RPH3A: variants seen among roughly 807,000 people sequenced by gnomAD.
RPH3A encodes the protein rabphilin 3A, also known as rabphilin-3A.
A neutral mutation model predicts 102.2 loss-of-function variants in RPH3A; 48 were observed. The ratio of observed to expected loss-of-function variants is 0.47; its 90% CI spans 0.37 to 0.60. The LOEUF (loss-of-function observed/expected upper bound fraction) is 0.60, where lower values mean the gene tolerates loss of function less well. Among genes scored for constraint, RPH3A ranks in the 20% least tolerant of loss-of-function variants. RPH3A has a pLI of 0.00. For missense variants in RPH3A, 781 were observed against 910.1 expected (o/e 0.86, Z 1.83); for synonymous variants, 310 against 324.3 (o/e 0.96, Z 0.47).
intron 4 of RPH3A, among the ~76,000 whole-genome samples, chr12:112,839,687 G>GATTTAA (rs1430936397): frequency 2.6e-5 from 4 of 152,312 alleles, no homozygotes; most frequent in Non-Finnish European, 5.9e-5. Context: ...GATTTAAGGA[G>GATTTAA]TAGGAAAATA....
chr12:112,883,410 G>T lies in RPH3A; in HGVS notation c.1436+8G>T. 1 of 1,606,502 alleles carries T rather than the reference G, an allele frequency of 6.2e-7. No homozygotes were observed. The highest frequency in any genetic ancestry group is 1.1e-5 in the South Asian group (1 of 90,662). ...GCAAAGGAAGACCCTCAGGTACCTG[G>T]CAGGCAGAGGGCAGAGAGGGAGGCA... On this transcript the variant is annotated splice_region_variant and intron_variant, in intron 16 of 21. Coordinates refer to ENST00000389385, the MANE Select transcript of RPH3A (RefSeq NM_001143854.2).
At chr12:112,853,253 C>T (rs1371934189) in intron 5 of RPH3A, among the ~76,000 whole-genome samples, 4 of 152,228 alleles carry the variant, frequency 2.6e-5, no homozygotes, top group Non-Finnish European at 4.4e-5. Context: ...ATACTCTCCT[C>T]TTTCTAAAGG....
At chr12:112,755,316 C>T (rs898379421) in intron 1 of RPH3A, among the ~76,000 whole-genome samples, 73 of 150,556 alleles carry the variant, frequency 4.8e-4, no homozygotes, top group African/African-American at 1.7e-3. Flanking sequence ...CACACACACA[C>T]ACACACACAC....
At chr12:112,652,238 G>A (rs1372407673) in intron 1 of RPH3A, among the ~76,000 whole-genome samples, 7 of 152,138 alleles carry the variant, frequency 4.6e-5, no homozygotes, top group Non-Finnish European at 1.0e-4. Context: ...CACTTTGAGA[G>A]GCTGAGGTGG....
intron 1 of RPH3A, among the ~76,000 whole-genome samples, chr12:112,616,123 T>G (rs233712): frequency 0.15 from 23,226 of 152,126 alleles, 2,173 homozygotes; most frequent in South Asian, 0.29. Flanking sequence ...CTGGTTTATC[T>G]CTGATAAATG....
Position 112,868,569 on chromosome 12 carries a change from A to C in RPH3A, c.584A>C (p.Lys195Thr), listed in dbSNP as rs377555989. The C allele has an allele frequency of 1.2e-5, 19 of 1,614,032 alleles. No homozygotes were observed. In the African/African-American group the frequency reaches 2.4e-4, roughly 20 times the overall value. Residue 195 changes from lysine (K) to threonine (T), a missense_variant, in exon 8 of 22, where the codon AAG becomes ACG. Physicochemically the swap from Lys to Thr is moderately conservative, Grantham distance 78. Coordinates refer to ENST00000389385, the MANE Select transcript of RPH3A (RefSeq NM_001143854.2). ...CCTGAACAGCCTGCTCCTGAGCCCA[A>C]GCACCCTGCCCGGGCTCCAGCTCGA... The part of the protein sequence containing the change: ...AAPEQPAPEP[K>T]HPARAPARGD...
intron 3 of RPH3A, among the ~76,000 whole-genome samples, chr12:112,834,926 G>GT (rs1394938113): frequency 1.3e-5 from 2 of 152,070 alleles, no homozygotes; most frequent in Non-Finnish European, 2.9e-5. Context: ...AAGAGAAAAA[G>GT]TTTTTATTTT....
At chr12:112,760,300 G>C (rs1479651704) in intron 1 of RPH3A, among the ~76,000 whole-genome samples, 1 of 152,164 alleles carries the variant, frequency 6.6e-6, no homozygotes, top group Non-Finnish European at 1.5e-5. Context: ...ACCTCCCTGG[G>C]CCTCATTGTC....
intron 5 of RPH3A, among the ~76,000 whole-genome samples, chr12:112,855,987 C>T (rs2042404138): frequency 6.6e-6 from 1 of 152,126 alleles, no homozygotes; most frequent in African/African-American, 2.4e-5. Context: ...CCCACTCTCC[C>T]ACTTTGCTGC....
chr12:112,617,190 G>C (rs765119397), intron 1 of RPH3A, among the ~76,000 whole-genome samples: 1 of 152,226 alleles, frequency 6.6e-6, no homozygotes, highest in Non-Finnish European at 1.5e-5. Context: ...GTCAGGAAGA[G>C]AAAGGGGTGT....
At chr12:112,576,098 A>G (rs1185452449) in intron 1 of RPH3A, among the ~76,000 whole-genome samples, 2 of 152,188 alleles carry the variant, frequency 1.3e-5, no homozygotes, top group African/African-American at 4.8e-5. Context: ...TGAACTTGCT[A>G]CTTGTGATGA....
chr12:112,811,445 C>T (rs982781611), intron 2 of RPH3A, among the ~76,000 whole-genome samples: 1 of 151,938 alleles, frequency 6.6e-6, no homozygotes, highest in African/African-American at 2.4e-5. Context: ...CACTCAATAG[C>T]ACTATGCTTG....
At chr12:112,744,138 C>T (rs985751435) in intron 1 of RPH3A, among the ~76,000 whole-genome samples, 3 of 152,138 alleles carry the variant, frequency 2.0e-5, no homozygotes, top group African/African-American at 2.4e-5. Flanking sequence ...TGCAGTGGTG[C>T]GATCTCGGCT....
At position 112,710,007 on chromosome 12, in the gene RPH3A, C is replaced by T. The variant is rs367619992; in HGVS notation, c.-139-82136C>T. Among the ~76,000 whole-genome samples, 17 of 152,220 alleles carry T rather than the reference C, an allele frequency of 1.1e-4. No homozygotes were observed. The East Asian group carries it at 3.1e-3, about 28-fold the overall frequency. The stretch of plus-strand genomic sequence containing the variant: ...TCTTTTTTTTTGAGACGGAGTCTTA[C>T]TCTGTCGCCCAGGCTAGAGTGCAGT... On this transcript the variant is annotated intron_variant, in intron 1 of 21. Coordinates refer to the RPH3A transcript ENST00000543106.
chr12:112,851,974 G>C (rs1485167574), intron 5 of RPH3A, among the ~76,000 whole-genome samples: 2 of 152,214 alleles, frequency 1.3e-5, no homozygotes. Context: ...TCGTGGCTTA[G>C]AGCAAAACAG....
intron 1 of RPH3A, among the ~76,000 whole-genome samples, chr12:112,747,241 G>T (rs2040754778): frequency 1.3e-5 from 2 of 152,232 alleles, no homozygotes; most frequent in Middle Eastern, 6.8e-3. Context: ...GAGGTGGTTA[G>T]GTCATGGACT....
At chr12:112,652,194 G>C (rs2039979239) in intron 1 of RPH3A, among the ~76,000 whole-genome samples, 1 of 152,114 alleles carries the variant, frequency 6.6e-6, no homozygotes, top group African/African-American at 2.4e-5. Context: ...AAAATCTAGA[G>C]CCAGGGTGTG....
intron 1 of RPH3A, among the ~76,000 whole-genome samples, chr12:112,755,827 A>T (rs1015907665): frequency 2.0e-5 from 3 of 152,154 alleles, no homozygotes; most frequent in Non-Finnish European, 2.9e-5. Flanking sequence ...ATTACTTTTT[A>T]AAAAACTTTT....
chr12:112,721,593 A>T (rs1162520920), intron 1 of RPH3A, among the ~76,000 whole-genome samples: 1 of 152,148 alleles, frequency 6.6e-6, no homozygotes, highest in Admixed American at 6.5e-5. Flanking sequence ...TTATTAAAAA[A>T]TTAAAGTAGC....
Sources: allele counts gnomAD v4.1 joint callset (sites outside exome capture counted in the v4.1 genomes callset), GRCh38; gene constraint gnomAD v4.1.1; transcripts MANE v1.5; gene names NCBI Gene and HGNC (gene_info 2026-07-23, HGNC 2026-07-21).